The following KAZN variants were observed in gnomAD, a reference collection of about 807,000 sequenced individuals.
KAZN encodes the protein kazrin.
A neutral mutation model predicts 87.4 loss-of-function variants in KAZN; 40 were observed. The observed-to-expected ratio is 0.46, with a 90% CI of 0.36 to 0.60. The LOEUF is 0.60. Among genes scored for constraint, KAZN ranks in the 20% least tolerant of loss-of-function variants. The probability of loss-of-function intolerance (pLI) is 0.00; values close to 1 mark genes in which losing one functional copy is unlikely to be tolerated. For synonymous variants in KAZN, 466 were observed against 458.3 expected (o/e 1.02, Z -0.22); for missense variants, 898 against 1,073.9 (o/e 0.84, Z 2.29).
intron 1 of KAZN, among the ~76,000 whole-genome samples, chr1:13,981,087 CTT>C (rs202111148): frequency 0.073 from 609 of 8,302 alleles, 42 homozygotes; most frequent in African/African-American, 0.21. Flanking sequence ...AAAAATTACT[CTT>C]TATATATATA....
In KAZN at chr1:15,094,510, C is replaced by T. The variant is rs1438144815; in HGVS notation, c.1428+125C>T. ...GAGAAGGTGCAATCTAGGAGCTAGC[C>T]AATGCAATCAGCCTCTGATGTACCT... On this transcript the variant is annotated intron_variant, in intron 9 of 14. Transcript: ENST00000376030. This position sits in a 1 kb window ranked among gnomAD's most constrained non-coding sequence, Gnocchi z 4.5. The T allele has an allele frequency of 2.3e-6, 2 of 863,728 alleles. No homozygotes were observed. Among genetic ancestry groups the T allele is most frequent in the African/African-American group, 3.3e-5 (2 of 59,888 alleles). The allele number at this position is 863,728 out of a possible 1,614,324, so 53.5% of individuals were successfully genotyped here. A position where few individuals can be genotyped will look rare whatever the true frequency, so the allele number is the denominator to read the frequency against.
intron 1 of KAZN, among the ~76,000 whole-genome samples, chr1:14,618,111 G>A (rs1232316118): frequency 6.6e-6 from 1 of 152,210 alleles, no homozygotes; most frequent in Admixed American, 6.5e-5. Context: ...AGCAAGGAAA[G>A]GCTTGAATGC....
intron 2 of KAZN, among the ~76,000 whole-genome samples, chr1:14,521,066 G>C (rs1671560735): frequency 6.6e-6 from 1 of 152,228 alleles, no homozygotes; most frequent in African/African-American, 2.4e-5. Flanking sequence ...AGAGCCAATA[G>C]ACAAAATCCA....
intron 1 of KAZN, among the ~76,000 whole-genome samples, chr1:13,921,750 C>T (rs1000582581): frequency 3.9e-5 from 6 of 152,066 alleles, no homozygotes; most frequent in African/African-American, 4.8e-5. Context: ...CTCAGCCTCC[C>T]GAGTAGCTGG....
chr1:14,583,316 G>T (rs1319090818), intron 2 of KAZN, among the ~76,000 whole-genome samples: 1 of 152,176 alleles, frequency 6.6e-6, no homozygotes, highest in Non-Finnish European at 1.5e-5. Flanking sequence ...GAGTGAATAA[G>T]TACAAGAGTG....
Position 14,975,289 on chromosome 1 carries a change from A to G in KAZN, c.418+14414A>G, listed in dbSNP as rs1665482458. Among the ~76,000 whole-genome samples, 3 of 152,218 alleles carry G rather than the reference A, an allele frequency of 2.0e-5. No individual in the cohort carries two copies. In the South Asian group the frequency reaches 6.2e-4, roughly 32 times the overall value. On this transcript the variant is annotated intron_variant, in intron 2 of 14. Coordinates refer to ENST00000376030, the MANE Select transcript of KAZN (RefSeq NM_201628.3). ...GTGCTGTGGCTTGAGCTCCCGCCCA[A>G]CTTTTTAAATAGGTCTGACCACCTG...
At chr1:15,049,949 A>G (rs1046795792) in intron 4 of KAZN, among the ~76,000 whole-genome samples, 1 of 152,012 alleles carries the variant, frequency 6.6e-6, no homozygotes, top group Admixed American at 6.6e-5. Flanking sequence ...GCTTGAACCC[A>G]GGAGGGTTGC....
intron 1 of KAZN, among the ~76,000 whole-genome samples, chr1:14,165,791 C>T (rs958631228): frequency 5.5e-4 from 84 of 152,160 alleles, no homozygotes; most frequent in African/African-American, 1.7e-3. Flanking sequence ...GTTCAAATAG[C>T]TTCATGTCTT....
intron 2 of KAZN, among the ~76,000 whole-genome samples, chr1:14,441,465 C>T (rs537636416): frequency 3.9e-5 from 6 of 152,246 alleles, no homozygotes; most frequent in Non-Finnish European, 8.8e-5. Flanking sequence ...AAACCCTGGG[C>T]GTGAGGCCAG....
At position 14,868,524 on chromosome 1, in the gene KAZN, G is replaced by T. The variant is rs115910160; in HGVS notation, c.227-92160G>T. On this transcript the variant is annotated intron_variant, in intron 1 of 14. Transcript: ENST00000376030. ...AGGCTGAAATCTTAACCACTTCCCC[G>T]TGGGCCCTTCTTGAAGTGAATGTCT... 7.0e-3 allele frequency among the ~76,000 whole-genome samples: 1,067 copies of T among 152,182 alleles called. 12 individuals are homozygous for T. The highest frequency in any genetic ancestry group is 0.024 in the African/African-American group (1,011 of 41,518).
rs149262533 is a variant in KAZN at position 14,104,272 on chromosome 1, G to A, written c.92-76163G>A. On this transcript the variant is annotated intron_variant, in intron 1 of 16. Coordinates refer to the KAZN transcript ENST00000636203. Reference sequence around the variant, plus strand: ...CGCAAGGAGCACCTGGTCTCCTGGCGCTGGAGGAGGTCTGTCCTCAACTCT... The same window carrying A: ...CGCAAGGAGCACCTGGTCTCCTGGCACTGGAGGAGGTCTGTCCTCAACTCT... 2.3e-3 allele frequency among the ~76,000 whole-genome samples: 350 copies of A among 152,264 alleles called. 1 individual carries two copies. The highest frequency in any genetic ancestry group is 7.9e-3 in the African/African-American group (328 of 41,558).
chr1:14,225,419 T>C lies in KAZN; in HGVS notation c.249+44827T>C, dbSNP rs905501897. On this transcript the variant is annotated intron_variant, in intron 2 of 16. Coordinates refer to the KAZN transcript ENST00000636203. Reference sequence around the variant, plus strand: ...TGGAAAAACATTCCATGGTCATGGATAGAAAGAATCAATATCATGAAAATG... The same window carrying C: ...TGGAAAAACATTCCATGGTCATGGACAGAAAGAATCAATATCATGAAAATG... Among the ~76,000 whole-genome samples, 4 of 152,102 alleles carry C rather than the reference T, an allele frequency of 2.6e-5. 1 individual carries two copies. The highest frequency in any genetic ancestry group is 9.7e-5 in the African/African-American group (4 of 41,422).
chr1:15,049,539 G>T (rs1181455988), intron 4 of KAZN, among the ~76,000 whole-genome samples: 1 of 152,034 alleles, frequency 6.6e-6, no homozygotes, highest in Non-Finnish European at 1.5e-5. Context: ...CCCCTGGAGT[G>T]CAGAATCACC....
chr1:14,820,382 G>T lies in KAZN; in HGVS notation c.227-140302G>T, dbSNP rs954227861. Among the ~76,000 whole-genome samples, 2 of 152,220 alleles carry T rather than the reference G, an allele frequency of 1.3e-5. No homozygotes were observed. On this transcript the variant is annotated intron_variant, in intron 1 of 14. Coordinates refer to ENST00000376030, the MANE Select transcript of KAZN (RefSeq NM_201628.3). The surrounding 1 kb of genome is among the most constrained non-coding windows in gnomAD (Gnocchi z 4.1). ...CAATTTCAAGTGCCACATCATCTGG[G>T]TATCATGAGAGCCCATCTCCATCTG... is the stretch of plus-strand genomic sequence containing the variant.
chr1:14,337,754 C>T (rs561123487), intron 2 of KAZN, among the ~76,000 whole-genome samples: 29 of 151,930 alleles, frequency 1.9e-4, no homozygotes, highest in Non-Finnish European at 2.9e-4. Context: ...ATTAACTGGG[C>T]GTGGTGGCGC....
intron 2 of KAZN, among the ~76,000 whole-genome samples, chr1:14,979,918 T>C (rs888566483): frequency 6.6e-6 from 1 of 152,236 alleles, no homozygotes; most frequent in African/African-American, 2.4e-5. Context: ...AGACAGAGTC[T>C]CGCTCTGTTG....
chr1:14,160,308 C>T (rs1222811640), intron 1 of KAZN, among the ~76,000 whole-genome samples: 1 of 152,184 alleles, frequency 6.6e-6, no homozygotes, highest in Admixed American at 6.5e-5. Context: ...GGGCAGGCAT[C>T]AGCTGAGCTT....
chr1:14,824,905 A>T (rs920602296), intron 1 of KAZN, among the ~76,000 whole-genome samples: 10 of 152,236 alleles, frequency 6.6e-5, no homozygotes, highest in Admixed American at 3.3e-4. Context: ...TAGGCTCTAC[A>T]TTTAGTGGCC....
intron 1 of KAZN, among the ~76,000 whole-genome samples, chr1:14,760,511 G>A (rs1294700693): frequency 6.6e-6 from 1 of 152,170 alleles, no homozygotes; most frequent in Non-Finnish European, 1.5e-5. Context: ...GTGGTGAGAG[G>A]ACTCAGGGCA....
Sources: gnomAD v4.1 joint callset for allele counts (sites outside exome capture counted in the v4.1 genomes callset) on GRCh38, gnomAD v4.1.1 for gene constraint, Gnocchi (gnomAD v3.1) non-coding constraint, MANE v1.5 for transcripts, NCBI Gene and HGNC (gene_info 2026-07-23, HGNC 2026-07-21) for gene names.